Variants in FAM234B observed in about 807,000 individuals in gnomAD.
FAM234B encodes the protein protein FAM234B.
Under a neutral mutation model 69.3 loss-of-function variants are expected in FAM234B, and 33 were observed. The ratio of observed to expected loss-of-function variants is 0.48; its 90% CI spans 0.36 to 0.64. The LOEUF (loss-of-function observed/expected upper bound fraction) is 0.64. Among genes scored for constraint, FAM234B ranks in the 30% least tolerant of loss-of-function variants. FAM234B has a pLI of 0.00. For synonymous variants in FAM234B, 306 were observed against 306.9 expected (o/e 1.00, Z 0.03); for missense variants, 697 against 769.7 (o/e 0.91, Z 1.12).
rs1864928371 is a variant in FAM234B at position 13,056,085 on chromosome 12, G to T, written c.433+139G>T. On this transcript the variant is annotated intron_variant, in intron 2 of 12. Transcript: ENST00000197268. ...CCTGCCGTCCCCACTGTGTGGAGGT[G>T]GCAAGGAGATTAAGATTTGAAAGAA... 5 of 847,188 alleles carry T rather than the reference G, an allele frequency of 5.9e-6. No homozygotes were observed. In the South Asian group the frequency reaches 1.3e-4, roughly 23 times the overall value. 52.5% of individuals were successfully genotyped at this position (847,188 alleles called of 1,614,324 possible).
intron 10 of FAM234B, among the ~76,000 whole-genome samples, chr12:13,074,118 G>A (rs1023653673): frequency 6.6e-6 from 1 of 152,170 alleles, no homozygotes; most frequent in African/African-American, 2.4e-5. Context: ...CCTCAGACTA[G>A]CTCCTGTTCA....
rs575573756 is a variant in FAM234B at position 13,078,409 on chromosome 12, C to G, written c.1643-1380C>G. On this transcript the variant is annotated intron_variant, in intron 11 of 12. Transcript: ENST00000197268. ...AGGGTTTTTATGGTTTTAGGTCTAA[C>G]GTTTAAGTCCACAGCCAATATCCTA... is the stretch of plus-strand genomic sequence containing the variant. 2.0e-5 allele frequency among the ~76,000 whole-genome samples: 3 copies of G among 152,228 alleles called. No homozygotes were observed. The East Asian group carries it at 5.8e-4, about 29-fold the overall frequency.
At position 13,083,416 on chromosome 12, in the gene FAM234B, G is replaced by C. The variant is rs1865267285; in HGVS notation, c.*2786G>C. The C allele has an allele frequency of 1.3e-5, 2 of 152,360 alleles. No individual in the cohort carries two copies. Among genetic ancestry groups the C allele is most frequent in the African/African-American group, 4.8e-5 (2 of 41,344 alleles). The allele number at this position is 152,360 out of a possible 1,614,324, so 9.4% of individuals were successfully genotyped here. A position where few individuals can be genotyped will look rare whatever the true frequency, so the allele number is the denominator to read the frequency against. On this transcript the variant is annotated 3_prime_UTR_variant, in exon 13 of 13. Transcript: ENST00000197268. Reference sequence around the variant, plus strand: ...GGAAGCACTATTTAAAATGTGAACTGTTATAGAGTAAATAAATAAATACTC... The same window carrying C: ...GGAAGCACTATTTAAAATGTGAACTCTTATAGAGTAAATAAATAAATACTC...
rs1049471032 is a variant in FAM234B, at chr12:13,075,372, G to A, written c.1525-654G>A. 2.0e-5 allele frequency among the ~76,000 whole-genome samples: 3 copies of A among 151,968 alleles called. No individual in the cohort carries two copies. In the South Asian group the frequency reaches 6.2e-4, roughly 32 times the overall value. ...TATTCCAGTACTTCCATGGGCAGAA[G>A]ACTGGGACATCTTGTCAGATTCCTC... On this transcript the variant is annotated intron_variant, in intron 10 of 12. Transcript: ENST00000197268.
intron 1 of FAM234B, among the ~76,000 whole-genome samples, chr12:13,047,827 T>A (rs1249483968): frequency 1.3e-5 from 2 of 152,052 alleles, no homozygotes; most frequent in African/African-American, 4.8e-5. Context: ...TGAGTAGGAC[T>A]TAAGGCAAGT....
chr12:13,078,517 T>C (rs1330948871), intron 11 of FAM234B, among the ~76,000 whole-genome samples: 2 of 152,154 alleles, frequency 1.3e-5, no homozygotes, highest in Non-Finnish European at 2.9e-5. Flanking sequence ...CTATTCAACA[T>C]AGTGTTGGAA....
chr12:13,052,424 TATA>T (rs1456958768), intron 1 of FAM234B, among the ~76,000 whole-genome samples: 1 of 89,664 alleles, frequency 1.1e-5, no homozygotes, highest in East Asian at 8.5e-4. Flanking sequence ...GTTTTTCAGA[TATA>T]TATATATATA....
intron 1 of FAM234B, among the ~76,000 whole-genome samples, chr12:13,050,808 C>G (rs1225241061): frequency 1.3e-5 from 2 of 152,074 alleles, no homozygotes; most frequent in African/African-American, 2.4e-5. Context: ...GGATCAGTGC[C>G]TGGGACAGTA....
At position 13,076,155 on chromosome 12, in the gene FAM234B, T is replaced by C. The variant is rs200106549; in HGVS notation, c.1642+12T>C. On this transcript the variant is annotated intron_variant, in intron 11 of 12. Coordinates refer to ENST00000197268, the MANE Select transcript of FAM234B (RefSeq NM_020853.2). ...GACGGCTTCAGAGGGTGAGTCCCAG[T>C]GCCAGCGGGAGTCTGTGTACGCAGA... is the stretch of plus-strand genomic sequence containing the variant. 6.3e-6 allele frequency: 10 copies of C among 1,578,184 alleles called. No individual in the cohort carries two copies. In the East Asian group the frequency reaches 2.2e-4, roughly 35 times the overall value.
chr12:13,058,698 G>A, intron 3 of FAM234B, 149 bp downstream of exon 3: 1 of 685,532 alleles, frequency 1.5e-6, no homozygotes, highest in South Asian at 1.7e-5. Flanking sequence ...ACCCTCATCA[G>A]AAAGCTTCCA....
chr12:13,076,517 T>A (rs776290020), intron 11 of FAM234B, among the ~76,000 whole-genome samples: 1 of 152,222 alleles, frequency 6.6e-6, no homozygotes, highest in Non-Finnish European at 1.5e-5. Flanking sequence ...ACTCAGAGAT[T>A]AGGATTTGGA....
Position 13,068,722 on chromosome 12 carries a change from G to A in FAM234B, c.1368+11G>A, listed in dbSNP as rs1865069459. 3 of 1,569,448 alleles carry A rather than the reference G, an allele frequency of 1.9e-6. No homozygotes were observed. The South Asian group carries it at 3.3e-5, about 17-fold the overall frequency. ...GTTGGGATGAAAAAGGTAAAACTTT[G>A]GGCCTCAGATCAATCAAAGCATATG... On this transcript the variant is annotated intron_variant, in intron 9 of 12. Transcript: ENST00000197268.
chr12:13,079,168 C>T (rs1263824397), intron 11 of FAM234B, among the ~76,000 whole-genome samples: 1 of 152,144 alleles, frequency 6.6e-6, no homozygotes, highest in Non-Finnish European at 1.5e-5. Context: ...ACCAAAACAG[C>T]ATGGTATTGG....
rs976381986 is a variant in FAM234B at position 13,071,367 on chromosome 12, G to A, written c.1495G>A (p.Glu499Lys). ...GAAGTCTGTCTTCCTCTTCTGGGCC[G>A]AAGGGCTGTCAGCTGCATCTCCCAA... The part of the protein sequence containing the change: ...DQKSVFLFWA[E>K]GLSAASPNSD... Residue 499 changes from glutamate to lysine, a missense_variant, in exon 10 of 13, where the codon GAA becomes AAA. Physicochemically the swap from Glu to Lys is moderately conservative, Grantham distance 56 (BLOSUM62 1). Transcript: ENST00000197268. The A allele has an allele frequency of 3.1e-6, 5 of 1,614,046 alleles. No homozygotes were observed. The highest frequency in any genetic ancestry group is 1.7e-5 in the Admixed American group (1 of 60,006).
rs369327493 is a variant in FAM234B at position 13,080,606 on chromosome 12, G to A, written c.1864-19G>A. 6.3e-6 allele frequency: 10 copies of A among 1,599,056 alleles called. No homozygotes were observed. The highest frequency in any genetic ancestry group is 1.3e-5 in the African/African-American group (1 of 74,594). On this transcript the variant is annotated intron_variant, in intron 12 of 12. Coordinates refer to ENST00000197268, the MANE Select transcript of FAM234B (RefSeq NM_020853.2). The stretch of plus-strand genomic sequence containing the variant: ...CTACCATGAAAAACAATAAAGTCAC[G>A]ATAACTCTTTTTCCATAGATCTAAT...
chr12:13,071,545 A>T, intron 10 of FAM234B, 149 bp downstream of exon 10: 1 of 717,716 alleles, frequency 1.4e-6, no homozygotes, highest in Non-Finnish European at 2.3e-6. Flanking sequence ...AAAAGCAGGA[A>T]CCCTGTGTCC....
intron 1 of FAM234B, among the ~76,000 whole-genome samples, chr12:13,053,237 AT>A (rs201461633): frequency 4.0e-5 from 6 of 151,774 alleles, no homozygotes; most frequent in South Asian, 2.1e-4. Context: ...TTTTCTTTGG[AT>A]TTTTTTTGAA....
chr12:13,062,567 C>A, intron 4 of FAM234B: 1 of 278,750 alleles, frequency 3.6e-6, no homozygotes, highest in South Asian at 5.9e-5. Flanking sequence ...GCAAGTGAGC[C>A]CTTCTTTGTT....
rs146404494 is a variant in FAM234B, at chr12:13,061,752, A to G, written c.710A>G (p.Asn237Ser). Reference protein sequence around the residue: ...TGTHKMLSAFNATSGKAIWTL... With the variant: ...TGTHKMLSAFSATSGKAIWTL... ...ACACACAAGATGCTCAGCGCATTCAATGCAACGTCAGGTAAATACCATTTA... is the reference window on the plus strand; with the variant it reads ...ACACACAAGATGCTCAGCGCATTCAGTGCAACGTCAGGTAAATACCATTTA... The change falls in exon 4 of 13, where the codon AAT becomes AGT. Residue 237 changes from asparagine to serine, a missense_variant. Physicochemically the swap from Asn to Ser is conservative, Grantham distance 46. Around this residue, in one of 3 missense-constraint regions of FAM234B, gnomAD observed 380 missense variants for 447.1 expected, o/e 0.85. Coordinates refer to ENST00000197268, the MANE Select transcript of FAM234B (RefSeq NM_020853.2). 70 of 1,613,720 alleles carry G rather than the reference A, an allele frequency of 4.3e-5. No individual in the cohort carries two copies. The highest frequency in any genetic ancestry group is 5.5e-5 in the Non-Finnish European group (65 of 1,179,908).
Sources: gnomAD v4.1 joint callset for allele counts (sites outside exome capture counted in the v4.1 genomes callset) on GRCh38, gnomAD v4.1.1 for gene constraint, gnomAD v4.1.1 regional missense constraint, MANE v1.5 for transcripts, NCBI Gene and HGNC (gene_info 2026-07-23, HGNC 2026-07-21) for gene names.